Variants in PTPRM observed in about 807,000 individuals in gnomAD.
PTPRM encodes receptor-type tyrosine-protein phosphatase mu.
In PTPRM, 47 loss-of-function variants were observed where a neutral mutation model predicts 186.7. The ratio of observed to expected loss-of-function variants is 0.25; its 90% CI spans 0.20 to 0.32. The LOEUF is 0.32. PTPRM is among the 10% of genes least tolerant of loss of function. The pLI, the probability that PTPRM is intolerant of heterozygous loss-of-function variation, is 1.00. For synonymous variants in PTPRM, 668 were observed against 674.9 expected (o/e 0.99, Z 0.16); for missense variants, 1,494 against 1,865.0 (o/e 0.80, Z 3.66).
intron 2 of PTPRM, among the ~76,000 whole-genome samples, chr18:7,850,103 A>C (rs1354165821): frequency 6.6e-6 from 1 of 152,184 alleles, no homozygotes; most frequent in African/African-American, 2.4e-5. Context: ...AACTTAGGTG[A>C]TCTTCAGATG....
chr18:8,124,488 CT>C (rs2092276288), intron 13 of PTPRM, among the ~76,000 whole-genome samples: 2 of 152,162 alleles, frequency 1.3e-5, no homozygotes, highest in Non-Finnish European at 1.5e-5. Context: ...AATCGACCAA[CT>C]CTTTTCAGGA....
intron 8 of PTPRM, among the ~76,000 whole-genome samples, chr18:8,070,278 A>G (rs1304662038): frequency 2.0e-5 from 3 of 152,132 alleles, no homozygotes; most frequent in Admixed American, 6.6e-5. Flanking sequence ...GGGCTGAAAA[A>G]TTGTTGTTTT....
chr18:7,943,227 C>T (rs549000025), intron 5 of PTPRM, among the ~76,000 whole-genome samples: 19 of 151,936 alleles, frequency 1.3e-4, no homozygotes, highest in East Asian at 3.9e-4. Context: ...CCAGTGTAGA[C>T]GGCATGTTTT....
intron 1 of PTPRM, among the ~76,000 whole-genome samples, chr18:7,714,912 A>G (rs2040292312): frequency 6.6e-6 from 1 of 152,196 alleles, no homozygotes; most frequent in Non-Finnish European, 1.5e-5. Flanking sequence ...GACCAGACGG[A>G]CTCACAGCCG....
intron 14 of PTPRM, among the ~76,000 whole-genome samples, chr18:8,218,492 G>A (rs1007315914): frequency 3.9e-5 from 6 of 152,144 alleles, no homozygotes; most frequent in Non-Finnish European, 7.4e-5. Flanking sequence ...CAAGATGAAT[G>A]GGGAGACAGC....
At chr18:7,809,901 A>G (rs1432832245) in intron 2 of PTPRM, among the ~76,000 whole-genome samples, 1 of 152,254 alleles carries the variant, frequency 6.6e-6, no homozygotes, top group Non-Finnish European at 1.5e-5. Flanking sequence ...GATAGGAACT[A>G]TAAAATTCTG....
intron 2 of PTPRM, among the ~76,000 whole-genome samples, chr18:7,823,747 G>A (rs998168464): frequency 1.5e-4 from 23 of 152,294 alleles, no homozygotes; most frequent in Non-Finnish European, 3.2e-4. Flanking sequence ...GATTTGCCAG[G>A]GGCCCTTGGG....
At chr18:7,696,700 C>A (rs2039852245) in intron 1 of PTPRM, among the ~76,000 whole-genome samples, 1 of 152,248 alleles carries the variant, frequency 6.6e-6, no homozygotes, top group South Asian at 2.1e-4. Flanking sequence ...GTACACTGAA[C>A]CACTCATGTC....
intron 11 of PTPRM, among the ~76,000 whole-genome samples, chr18:8,090,127 G>C (rs770224973): frequency 6.6e-6 from 1 of 152,268 alleles, no homozygotes; most frequent in Admixed American, 6.5e-5. Flanking sequence ...TGATTCCTGT[G>C]GGTGGCACTG....
intron 19 of PTPRM, chr18:8,269,975 T>G (rs1232553971): frequency 6.6e-6 from 1 of 151,930 alleles, no homozygotes; most frequent in Non-Finnish European, 1.5e-5. Context: ...GTCTTGGCAA[T>G]GTTTTTTTCT....
intron 7 of PTPRM, chr18:8,017,722 A>G (rs1426614269): frequency 6.6e-6 from 1 of 152,132 alleles, no homozygotes; most frequent in Non-Finnish European, 1.5e-5. Context: ...AGGTATCATG[A>G]GTCCACTTTA....
intron 2 of PTPRM, among the ~76,000 whole-genome samples, chr18:7,884,399 C>G (rs539747508): frequency 3.3e-5 from 5 of 152,222 alleles, no homozygotes; most frequent in Non-Finnish European, 7.4e-5. Flanking sequence ...GAGACTTTTC[C>G]TCTAAAAGAT....
At chr18:8,285,568 T>C (rs891862766) in intron 19 of PTPRM, among the ~76,000 whole-genome samples, 58 of 152,346 alleles carry the variant, frequency 3.8e-4, no homozygotes, top group African/African-American at 1.3e-3. Context: ...GAGGCAAGCG[T>C]TCTCTCTCAG....
intron 14 of PTPRM, among the ~76,000 whole-genome samples, chr18:8,205,091 C>T (rs942743331): frequency 1.3e-5 from 2 of 152,042 alleles, no homozygotes; most frequent in African/African-American, 2.4e-5. Context: ...ATTAGACAGT[C>T]GTTCTAGCCT....
intron 1 of PTPRM, among the ~76,000 whole-genome samples, chr18:7,624,823 A>G (rs1420863367): frequency 6.6e-6 from 1 of 152,212 alleles, no homozygotes; most frequent in East Asian, 1.9e-4. Flanking sequence ...TATCTACTGC[A>G]TGAGATTGTT....
intron 20 of PTPRM, among the ~76,000 whole-genome samples, chr18:8,297,476 G>A (rs538350100): frequency 2.0e-5 from 3 of 152,172 alleles, no homozygotes; most frequent in Admixed American, 6.5e-5. Context: ...GAAATGTTTC[G>A]TGTCTATGCT....
intron 1 of PTPRM, among the ~76,000 whole-genome samples, chr18:7,648,367 C>CTT (rs1212639511): frequency 1.3e-5 from 2 of 152,102 alleles, no homozygotes; most frequent in African/African-American, 4.8e-5. Flanking sequence ...ACAGTGGCCT[C>CTT]TAAGTGTTTA....
chr18:8,147,357 C>T (rs1335286163), intron 14 of PTPRM, among the ~76,000 whole-genome samples: 1 of 152,154 alleles, frequency 6.6e-6, no homozygotes, highest in African/African-American at 2.4e-5. Flanking sequence ...TTGAAGAGGT[C>T]CTTCACATCC....
At chr18:8,178,541 T>C (rs1050444064) in intron 14 of PTPRM, among the ~76,000 whole-genome samples, 1 of 152,102 alleles carries the variant, frequency 6.6e-6, no homozygotes, top group East Asian at 1.9e-4. Flanking sequence ...CTCAGCACTT[T>C]GGGAGGCCGA....
Sources: allele counts gnomAD v4.1 joint callset (sites outside exome capture counted in the v4.1 genomes callset), GRCh38; gene constraint gnomAD v4.1.1; transcripts MANE v1.5; gene names NCBI Gene and HGNC (gene_info 2026-07-23, HGNC 2026-07-21).